The following GTPBP3 variants were observed in gnomAD, a reference collection of about 807,000 sequenced individuals.
GTPBP3 encodes the protein GTP binding protein 3, mitochondrial.
In GTPBP3, 35 loss-of-function variants were observed where a neutral mutation model predicts 42.0. That is an observed-to-expected ratio of 0.83 (90% confidence interval 0.64 to 1.10). The LOEUF is 1.10. Among genes scored for constraint, GTPBP3 ranks in the 50% least tolerant of loss-of-function variants. The probability of loss-of-function intolerance (pLI) is 0.00; values close to 1 mark genes in which losing one functional copy is unlikely to be tolerated. For synonymous variants in GTPBP3, 332 were observed against 314.9 expected (o/e 1.05, Z -0.58); for missense variants, 691 against 685.2 (o/e 1.01, Z -0.09).
rs1198559282 is a variant in GTPBP3, at chr19:17,342,119, C to CTACCCT, written c.*418_*423dup. ...CCTTCCCCTTCCCCTTCCCCTTCCCCTACCCTTCCCTCCTCTGTCTATTGC... is the reference window on the plus strand; with the variant it reads ...CCTTCCCCTTCCCCTTCCCCTTCCCCTACCCTTACCCTTCCCTCCTCTGTCTATTGC... On this transcript the variant is annotated 3_prime_UTR_variant, in exon 9 of 9. Transcript: ENST00000324894. The CTACCCT allele has an allele frequency of 1.3e-5, 2 of 151,908 alleles. No individual in the cohort carries two copies. Among genetic ancestry groups the CTACCCT allele is most frequent in the African/African-American group, 5.0e-5 (2 of 40,308 alleles). 9.4% of individuals were successfully genotyped at this position (151,908 alleles called of 1,614,324 possible). A position where few individuals can be genotyped will look rare whatever the true frequency, so the allele number is the denominator to read the frequency against.
intron 2 of GTPBP3, 23 bp downstream of exon 2, chr19:17,338,278 C>T: frequency 1.2e-6 from 2 of 1,600,484 alleles, no homozygotes; most frequent in East Asian, 2.2e-5. Context: ...AGGTTCCGAG[C>T]CTCCTGTAGG....
rs1478576965 is a variant in GTPBP3, at chr19:17,341,958, A to G, written c.*255A>G. ...TCCGGGTTGGGATGGAGATAGGAGG[A>G]TCTCAGTATATTTGTTTCGTAGTTT... On this transcript the variant is annotated 3_prime_UTR_variant, in exon 9 of 9. Transcript: ENST00000324894. The G allele has an allele frequency of 2.2e-5, 9 of 402,376 alleles. No individual in the cohort carries two copies. Among genetic ancestry groups the G allele is most frequent in the East Asian group, 7.2e-5 (2 of 27,616 alleles). The allele number at this position is 402,376 out of a possible 1,614,324, so 24.9% of individuals were successfully genotyped here.
chr19:17,337,237 T>G, upstream of GTPBP3: 1 of 202,324 alleles, frequency 4.9e-6, no homozygotes. Flanking sequence ...AGTGAGCAGA[T>G]GGAAAATGCG....
In GTPBP3 at chr19:17,337,624, C is replaced by G; in HGVS notation, c.13C>G (p.Leu5Val). Residue 5 changes from leucine (L) to valine (V), a missense_variant, in exon 1 of 9, where the codon CTT (leucine) becomes GTT (valine). By Grantham distance (32) the Leu-to-Val change is conservative. Transcript: ENST00000324894. MWRG[L>V]WTLAAQAARG... The stretch of plus-strand genomic sequence containing the variant: ...AGGTTGTAAATCCATGTGGCGGGGG[C>G]TTTGGACCCTGGCGGCCCAAGCGGC... The G allele has an allele frequency of 7.5e-7, 1 of 1,340,010 alleles. No individual in the cohort carries two copies. Among genetic ancestry groups the G allele is most frequent in the Non-Finnish European group, 9.6e-7 (1 of 1,041,000 alleles). The allele number at this position is 1,340,010 out of a possible 1,614,324, so 83.0% of individuals were successfully genotyped here.
At position 17,339,185 on chromosome 19, in the gene GTPBP3, G is replaced by A. The variant is rs778897687; in HGVS notation, c.727G>A (p.Gly243Arg). The part of the protein sequence containing the change: ...LGAHLRDARR[G>R]QRLRSGVHVV... ...TGCACATCTACGAGATGCCAGGCGC[G>A]GGCAGAGGCTCCGCTCAGGGGTGCA... is the stretch of plus-strand genomic sequence containing the variant. The change falls in exon 6 of 9, where the codon GGG becomes AGG. Residue 243 changes from glycine (G) to arginine (R), a missense_variant. Gly to Arg is a moderately radical substitution (Grantham distance 125). Coordinates refer to ENST00000324894, the MANE Select transcript of GTPBP3 (RefSeq NM_032620.4). 12 of 1,613,612 alleles carry A rather than the reference G, an allele frequency of 7.4e-6. No homozygotes were observed. The highest frequency in any genetic ancestry group is 2.7e-5 in the African/African-American group (2 of 74,948).
At position 17,341,113 on chromosome 19, in the gene GTPBP3, C is replaced by A. The variant is rs1467370720; in HGVS notation, c.1044C>A (p.Asn348Lys). The change falls in exon 8 of 9, where the codon AAC (asparagine) becomes AAA (lysine). Residue 348 changes from asparagine to lysine, a missense_variant. By Grantham distance (94) the Asn-to-Lys change is moderately conservative. Coordinates refer to ENST00000324894, the MANE Select transcript of GTPBP3 (RefSeq NM_032620.4). ...ASDLASPSSCNFLATVVASVG... is the reference protein window; with the variant it reads ...ASDLASPSSCKFLATVVASVG... Reference sequence around the variant, plus strand: ...ACCTGGCCTCTCCCTCCAGTTGCAACTTCCTGGCCACCGTCGTAGCCTCTG... The same window carrying A: ...ACCTGGCCTCTCCCTCCAGTTGCAAATTCCTGGCCACCGTCGTAGCCTCTG... 2.5e-6 allele frequency: 4 copies of A among 1,613,934 alleles called. No homozygotes were observed. The highest frequency in any genetic ancestry group is 3.4e-6 in the Non-Finnish European group (4 of 1,180,032).
intron 6 of GTPBP3, 48 bp from the exon 7 acceptor site, chr19:17,339,386 G>C: frequency 6.2e-7 from 1 of 1,602,012 alleles, no homozygotes; most frequent in Non-Finnish European, 8.5e-7. Context: ...ACCTGGGGGA[G>C]GAGCTCCCTT....
chr19:17,341,348 C>T, intron 8 of GTPBP3, 26 bp downstream of exon 8: 1 of 1,570,064 alleles, frequency 6.4e-7, no homozygotes, highest in Non-Finnish European at 8.6e-7. Context: ...CTCCCAGCCT[C>T]CCCTGACCCA....
At position 17,341,784 on chromosome 19, in the gene GTPBP3, G is replaced by A. The variant is rs1288568441; in HGVS notation, c.*81G>A. 1.1e-5 allele frequency: 14 copies of A among 1,224,956 alleles called. No individual in the cohort carries two copies. The highest frequency in any genetic ancestry group is 1.5e-5 in the Non-Finnish European group (13 of 876,220). The allele number at this position is 1,224,956 out of a possible 1,614,324, so 75.9% of individuals were successfully genotyped here. A position where few individuals can be genotyped will look rare whatever the true frequency, so the allele number is the denominator to read the frequency against. Reference sequence around the variant, plus strand: ...TCTGGAAACAGTTTAGGCCAATTGGGATTCTCATTCGCCTGGGAAAGAACT... The same window carrying A: ...TCTGGAAACAGTTTAGGCCAATTGGAATTCTCATTCGCCTGGGAAAGAACT... On this transcript the variant is annotated 3_prime_UTR_variant, in exon 9 of 9. Transcript: ENST00000324894.
chr19:17,338,411 T>C lies in GTPBP3; in HGVS notation c.348T>C (p.His116=). The change falls in exon 3 of 9, where the codon CAT becomes CAC. Residue 116 remains histidine, a synonymous_variant. Transcript: ENST00000324894. ...TGEDCVEFHV[H]GGPAVVSGVL... ...AGGACTGCGTGGAGTTCCACGTGCA[T>C]GGAGGCCCGGCAGTGGTGAGCGGCG... is the stretch of plus-strand genomic sequence containing the variant. 1 of 1,614,180 alleles carries C rather than the reference T, an allele frequency of 6.2e-7. No homozygotes were observed. The highest frequency in any genetic ancestry group is 1.1e-5 in the South Asian group (1 of 91,090).
chr19:17,338,312 C>T, intron 2 of GTPBP3, 53 bp from the exon 3 acceptor site: 1 of 1,608,664 alleles, frequency 6.2e-7, no homozygotes, highest in Non-Finnish European at 8.5e-7. Flanking sequence ...TTTCCCCCTT[C>T]CAAGGGTTTG....
At chr19:17,338,879 C>T (rs962988821) in intron 4 of GTPBP3, 75 bp from the exon 5 acceptor site, 38 of 1,539,812 alleles carry the variant, frequency 2.5e-5, no homozygotes, top group East Asian at 4.5e-5. Context: ...CCCCTGAAGT[C>T]GGGCTGGACA....
chr19:17,340,724 G>C (rs1437181858), intron 7 of GTPBP3, among the ~76,000 whole-genome samples: 1 of 128,828 alleles, frequency 7.8e-6, no homozygotes, highest in African/African-American at 3.0e-5. Context: ...CTCCTGTGCT[G>C]TGCCCCGCCC....
chr19:17,335,547 C>A (rs191818199), upstream of GTPBP3, among the ~76,000 whole-genome samples: 310 of 152,224 alleles, frequency 2.0e-3, no homozygotes, highest in African/African-American at 7.0e-3. Flanking sequence ...GGCGACAGAA[C>A]GAGACCCTGT....
In GTPBP3 at chr19:17,339,581, T is replaced by C; in HGVS notation, c.956T>C (p.Val319Ala). Reference protein sequence around the residue: ...EGVGPVEQEGVRRARERLEQA... With the variant: ...EGVGPVEQEGARRARERLEQA... Reference sequence around the variant, plus strand: ...GTGGGGCCCGTGGAGCAGGAGGGCGTGCGGCGCGCCCGGGAGAGGTGGGCG... The same window carrying C: ...GTGGGGCCCGTGGAGCAGGAGGGCGCGCGGCGCGCCCGGGAGAGGTGGGCG... The change falls in exon 7 of 9, where the codon GTG becomes GCG. Residue 319 changes from valine to alanine, a missense_variant. Val to Ala is a moderately conservative substitution (Grantham distance 64, BLOSUM62 0). Coordinates refer to ENST00000324894, the MANE Select transcript of GTPBP3 (RefSeq NM_032620.4). 6.2e-7 allele frequency: 1 copy of C among 1,608,372 alleles called. No individual in the cohort carries two copies. Among genetic ancestry groups the C allele is most frequent in the South Asian group, 1.1e-5 (1 of 90,830 alleles).
intron 3 of GTPBP3, 36 bp downstream of exon 3, chr19:17,338,487 C>T: frequency 6.2e-7 from 1 of 1,613,326 alleles, no homozygotes; most frequent in Non-Finnish European, 8.5e-7. Context: ...CTTGGTCCTC[C>T]CAATGGGCCT....
At chr19:17,335,094 G>A, upstream of GTPBP3, 1 of 1,536,090 alleles carries the variant, frequency 6.5e-7, no homozygotes, top group East Asian at 2.4e-5. Flanking sequence ...TCCGGACCCT[G>A]GAGACGCTGT....
chr19:17,338,483 C>T (rs2074390819), intron 3 of GTPBP3, 32 bp downstream of exon 3: 2 of 1,613,228 alleles, frequency 1.2e-6, no homozygotes, highest in African/African-American at 1.3e-5. Flanking sequence ...GATGCTTGGT[C>T]CTCCCAATGG....
upstream of GTPBP3, chr19:17,337,150 G>A (rs1412073193): frequency 6.4e-6 from 1 of 155,618 alleles, no homozygotes; most frequent in Non-Finnish European, 1.4e-5. Context: ...GAACCTGAAC[G>A]TAAAGAGGTG....
Sources: allele counts gnomAD v4.1 joint callset (sites outside exome capture counted in the v4.1 genomes callset), GRCh38; gene constraint gnomAD v4.1.1; transcripts MANE v1.5; gene names NCBI Gene and HGNC (gene_info 2026-07-23, HGNC 2026-07-21).